The following PHEX variants were observed in gnomAD, a reference collection of about 807,000 sequenced individuals.
PHEX encodes phosphate regulating endopeptidase X-linked.
PHEX carries 16 observed loss-of-function variants against 68.0 expected under a neutral mutation model. The ratio of observed to expected loss-of-function variants is 0.24; its 90% CI spans 0.16 to 0.36. The LOEUF (loss-of-function observed/expected upper bound fraction) is 0.36. Among genes scored for constraint, PHEX ranks in the 10% least tolerant of loss-of-function variants. The pLI, the probability that PHEX is intolerant of heterozygous loss-of-function variation, is 1.00. For synonymous variants in PHEX, 208 were observed against 205.1 expected, an observed-to-expected ratio of 1.01 and a Z score of -0.12; for missense variants, 480 against 575.5, an observed-to-expected ratio of 0.83 and a Z score of 1.70.
At chrX:22,234,616 C>G (rs1935896819) in intron 20 of PHEX, among the ~76,000 whole-genome samples, 1 of 109,850 alleles carries the variant, frequency 9.1e-6, no homozygotes, top group East Asian at 2.9e-4. Flanking sequence ...GCCCCTTCCC[C>G]CCCCAAGCTC....
Position 22,181,256 on chromosome X carries a change from C to A in PHEX, c.1586+2880C>A, listed in dbSNP as rs777239499. Among the ~76,000 whole-genome samples the A allele has an allele frequency of 4.5e-5, 5 of 111,993 alleles. No homozygotes were observed. The East Asian group carries it at 1.4e-3, about 31-fold the overall frequency. Reference sequence around the variant, plus strand: ...GGGTTCTCTTTTCTCAACAACCTCACCAGAATTTGTTTTTGCCTGTCTTTT... The same window carrying A: ...GGGTTCTCTTTTCTCAACAACCTCAACAGAATTTGTTTTTGCCTGTCTTTT... On this transcript the variant is annotated intron_variant, in intron 14 of 21. Coordinates refer to ENST00000379374, the MANE Select transcript of PHEX (RefSeq NM_000444.6).
At chrX:22,191,877 A>C (rs767216480) in intron 15 of PHEX, among the ~76,000 whole-genome samples, 1 of 112,561 alleles carries the variant, frequency 8.9e-6, no homozygotes, top group Non-Finnish European at 1.9e-5. Flanking sequence ...AGCAGTGAAA[A>C]ATGAGCAACA....
chrX:22,143,563 C>G (rs1049777503), intron 12 of PHEX, among the ~76,000 whole-genome samples: 1 of 112,426 alleles, frequency 8.9e-6, no homozygotes, highest in Non-Finnish European at 1.9e-5. Flanking sequence ...AGCAGTCACT[C>G]TCCATTCCCC....
intron 11 of PHEX, among the ~76,000 whole-genome samples, chrX:22,128,343 G>T (rs1343604447): frequency 1.8e-5 from 2 of 110,540 alleles, no homozygotes; most frequent in East Asian, 5.6e-4. Flanking sequence ...GATTACAGGC[G>T]TGAGCCACTG....
chrX:22,142,247 A>G (rs771824641), intron 12 of PHEX, among the ~76,000 whole-genome samples: 1 of 112,111 alleles, frequency 8.9e-6, no homozygotes, highest in East Asian at 2.8e-4. Context: ...GTGAGATTCT[A>G]TCTCTCACAC....
intron 5 of PHEX, among the ~76,000 whole-genome samples, chrX:22,082,146 G>A (rs193254667): frequency 5.6e-4 from 62 of 111,494 alleles, no homozygotes; most frequent in African/African-American, 1.9e-3. Flanking sequence ...TTATTGATAC[G>A]TAACTACACA....
chrX:22,232,249 G>T (rs1414979028), intron 20 of PHEX, among the ~76,000 whole-genome samples: 3 of 111,556 alleles, frequency 2.7e-5, no homozygotes, highest in Non-Finnish European at 5.6e-5. Flanking sequence ...ATATTCTATT[G>T]ATTTGGGGTG....
chrX:22,057,921 CT>C (rs1052614619), intron 3 of PHEX, among the ~76,000 whole-genome samples: 1 of 111,787 alleles, frequency 8.9e-6, no homozygotes, highest in Non-Finnish European at 1.9e-5. Flanking sequence ...GGAGGAGTGG[CT>C]TTTTCTTCTC....
At chrX:22,128,168 C>A (rs1931819339) in intron 11 of PHEX, among the ~76,000 whole-genome samples, 1 of 110,134 alleles carries the variant, frequency 9.1e-6, no homozygotes, top group Non-Finnish European at 1.9e-5. Flanking sequence ...AAGCAATTAT[C>A]CTGTCTCAGC....
intron 9 of PHEX, among the ~76,000 whole-genome samples, chrX:22,105,506 C>T (rs892894867): frequency 8.9e-6 from 1 of 111,977 alleles, no homozygotes; most frequent in African/African-American, 3.2e-5. Flanking sequence ...GACACACTTT[C>T]AGAATCACTG....
At chrX:22,202,324 C>T (rs1258209648) in intron 15 of PHEX, among the ~76,000 whole-genome samples, 1 of 111,833 alleles carries the variant, frequency 8.9e-6, no homozygotes, top group Non-Finnish European at 1.9e-5. Context: ...TTAAAGAACC[C>T]TCTGTATTAA....
chrX:22,246,044 G>T (rs917704506), intron 21 of PHEX, among the ~76,000 whole-genome samples: 16 of 111,940 alleles, frequency 1.4e-4, no homozygotes, highest in Non-Finnish European at 2.1e-4. Flanking sequence ...TTTATATCTA[G>T]AGTTAGAGAG....
At chrX:22,075,094 C>T (rs181226731) in intron 3 of PHEX, among the ~76,000 whole-genome samples, 26 of 106,919 alleles carry the variant, frequency 2.4e-4, no homozygotes, top group Non-Finnish European at 2.3e-4. Flanking sequence ...AAAAAAAATC[C>T]TTGGGGCTAG....
rs1936469538 is a variant in PHEX at position 22,248,888 on chromosome X, AATTTTC to A, written c.*936_*941del. 1 of 110,242 alleles carries A rather than the reference AATTTTC, an allele frequency of 9.1e-6. No individual in the cohort carries two copies. Among genetic ancestry groups the A allele is most frequent in the South Asian group, 3.9e-4 (1 of 2,574 alleles). The allele number at this position is 110,242 out of a possible 1,213,427, so 9.1% of individuals were successfully genotyped here. ...TGAAATGAGCAGACATTGAGAAAAC[AATTTTC>A]TGATTCCCCATTAGGAACATATGAT... On this transcript the variant is annotated 3_prime_UTR_variant, in exon 22 of 22. Coordinates refer to ENST00000379374, the MANE Select transcript of PHEX (RefSeq NM_000444.6).
At chrX:22,036,790 A>G (rs1173485775) in intron 1 of PHEX, among the ~76,000 whole-genome samples, 1 of 102,695 alleles carries the variant, frequency 9.7e-6, no homozygotes, top group Non-Finnish European at 2.0e-5. Context: ...TAAGAAACTT[A>G]TTTTCTTAAA....
intron 12 of PHEX, among the ~76,000 whole-genome samples, chrX:22,148,219 T>G (rs1441007508): frequency 3.6e-5 from 4 of 111,263 alleles, no homozygotes; most frequent in Non-Finnish European, 7.5e-5. Context: ...CACATGTGTC[T>G]GGCACCTCAG....
chrX:22,233,772 G>A (rs758114895), intron 20 of PHEX, among the ~76,000 whole-genome samples: 1 of 111,461 alleles, frequency 9.0e-6, no homozygotes, highest in South Asian at 3.8e-4. Context: ...CCTTTAGCTC[G>A]GAGAAGTTTG....
At chrX:22,098,148 G>A (rs1415754818) in intron 8 of PHEX, 1 of 109,134 alleles carries the variant, frequency 9.2e-6, no homozygotes, top group African/African-American at 3.5e-5. Flanking sequence ...ATGTACTGGG[G>A]CATCTGTTTC....
chrX:22,100,431 C>T (rs1930362428), intron 9 of PHEX, among the ~76,000 whole-genome samples: 1 of 111,956 alleles, frequency 8.9e-6, no homozygotes, highest in Admixed American at 9.5e-5. Context: ...TAAAATATGA[C>T]CCAAACGATT....
Sources: gnomAD v4.1 joint callset for allele counts (sites outside exome capture counted in the v4.1 genomes callset) on GRCh38, gnomAD v4.1.1 for gene constraint, MANE v1.5 for transcripts, NCBI Gene and HGNC (gene_info 2026-07-23, HGNC 2026-07-21) for gene names.